FHIT: variants seen among roughly 807,000 people sequenced by gnomAD.
FHIT encodes bis(5'-adenosyl)-triphosphatase.
In FHIT, 19 loss-of-function variants were observed where a neutral mutation model predicts 17.9. The ratio of observed to expected loss-of-function variants is 1.06; its 90% CI spans 0.74 to 1.56. The LOEUF (loss-of-function observed/expected upper bound fraction) is 1.56. Among genes scored for constraint, FHIT ranks in the 40% most tolerant of loss-of-function variants. The probability of loss-of-function intolerance (pLI) is 0.00; values close to 1 mark genes in which losing one functional copy is unlikely to be tolerated. For synonymous variants in FHIT, 81 were observed against 69.7 expected (o/e 1.16, Z -0.81); for missense variants, 248 against 189.2 (o/e 1.31, Z -1.82).
intron 5 of FHIT, among the ~76,000 whole-genome samples, chr3:60,337,321 G>C (rs796604867): frequency 4.6e-5 from 7 of 152,106 alleles, no homozygotes; most frequent in African/African-American, 1.7e-4. Flanking sequence ...TTAAAAGCCT[G>C]CTTCTGGAAT....
chr3:60,151,736 T>C (rs1322096834), intron 5 of FHIT, among the ~76,000 whole-genome samples: 1 of 152,158 alleles, frequency 6.6e-6, no homozygotes, highest in East Asian at 1.9e-4. Context: ...TGCAATTGTT[T>C]TCCTCTTAAT....
intron 5 of FHIT, among the ~76,000 whole-genome samples, chr3:60,337,155 C>A (rs561539503): frequency 6.6e-6 from 1 of 152,234 alleles, no homozygotes; most frequent in Admixed American, 6.5e-5. Flanking sequence ...ACAATTCTTT[C>A]CTTAATGTGA....
intron 5 of FHIT, among the ~76,000 whole-genome samples, chr3:60,460,385 C>A (rs2032384904): frequency 6.6e-6 from 1 of 151,734 alleles, no homozygotes; most frequent in East Asian, 1.9e-4. Context: ...GGAAATAACA[C>A]CTTTTTTTAA....
chr3:59,983,922 C>G (rs1708769560), intron 7 of FHIT, among the ~76,000 whole-genome samples: 1 of 150,532 alleles, frequency 6.6e-6, no homozygotes, highest in Non-Finnish European at 1.5e-5. Flanking sequence ...CTGCATAGAC[C>G]AAAAACAAGA....
At chr3:60,799,371 T>C (rs1217474042) in intron 4 of FHIT, among the ~76,000 whole-genome samples, 1 of 152,098 alleles carries the variant, frequency 6.6e-6, no homozygotes, top group African/African-American at 2.4e-5. Flanking sequence ...ACAGGGTTTC[T>C]CCATGTTGGT....
At chr3:60,176,849 G>A (rs375961537) in intron 5 of FHIT, among the ~76,000 whole-genome samples, 14 of 152,260 alleles carry the variant, frequency 9.2e-5, no homozygotes, top group African/African-American at 2.9e-4. Context: ...CATAAAATCC[G>A]TTGCTTGGAA....
chr3:60,848,551 C>T (rs1277384938), intron 3 of FHIT, among the ~76,000 whole-genome samples: 1 of 152,104 alleles, frequency 6.6e-6, no homozygotes, highest in Non-Finnish European at 1.5e-5. Flanking sequence ...AATTGGAGGT[C>T]CAGGCTTTGG....
intron 5 of FHIT, among the ~76,000 whole-genome samples, chr3:60,416,009 C>T (rs1702236143): frequency 6.6e-6 from 1 of 150,660 alleles, no homozygotes; most frequent in Admixed American, 6.6e-5. Context: ...ACCTACCACA[C>T]AGTTGTTCAA....
At chr3:60,792,331 T>C (rs781976634) in intron 4 of FHIT, among the ~76,000 whole-genome samples, 2 of 150,554 alleles carry the variant, frequency 1.3e-5, no homozygotes, top group Non-Finnish European at 2.9e-5. Context: ...TAAATATCCA[T>C]GTATATAGTT....
At position 60,287,555 on chromosome 3, in the gene FHIT, CTGTT is replaced by C. The variant is rs1330563394; in HGVS notation, c.103+249301_103+249304del. Among the ~76,000 whole-genome samples the C allele has an allele frequency of 1.3e-4, 20 of 152,182 alleles. 1 individual carries two copies. The highest frequency in any genetic ancestry group is 1.5e-5 in the Non-Finnish European group (1 of 68,044). On this transcript the variant is annotated intron_variant, in intron 5 of 9. Transcript: ENST00000492590. ...AGTATTGCTTTTAATACTTAGAACA[CTGTT>C]TGAGACACATATTAAGTGCTTAATA...
intron 8 of FHIT, among the ~76,000 whole-genome samples, chr3:59,882,345 T>C (rs1239997164): frequency 1.3e-5 from 2 of 152,136 alleles, no homozygotes; most frequent in Non-Finnish European, 2.9e-5. Context: ...ACATCTTCAA[T>C]TAGCTGGATT....
intron 5 of FHIT, among the ~76,000 whole-genome samples, chr3:60,119,578 T>C (rs1329291590): frequency 6.6e-6 from 1 of 152,164 alleles, no homozygotes; most frequent in African/African-American, 2.4e-5. Context: ...AACAAGGTTT[T>C]CTATGAATTA....
chr3:60,820,692 G>A (rs1275481712), intron 4 of FHIT, among the ~76,000 whole-genome samples: 1 of 152,216 alleles, frequency 6.6e-6, no homozygotes, highest in East Asian at 1.9e-4. Context: ...ACATTGTAAA[G>A]TGGATACAGG....
intron 5 of FHIT, among the ~76,000 whole-genome samples, chr3:60,248,196 C>T (rs1207633773): frequency 6.6e-6 from 1 of 152,090 alleles, no homozygotes; most frequent in Non-Finnish European, 1.5e-5. Flanking sequence ...GTTCAAAATC[C>T]ACTCCCTAGG....
Position 61,041,243 on chromosome 3 carries a change from G to A in FHIT, c.-111+804C>T, listed in dbSNP as rs529323184. 7.2e-5 allele frequency among the ~76,000 whole-genome samples: 11 copies of A among 152,100 alleles called. No individual in the cohort carries two copies. In the South Asian group the frequency reaches 2.3e-3, roughly 32 times the overall value. ...AAAATACAAAAATTAGCTAGGTGTGGTGGCACGCCTCTAGTCCCAGCTACT... is the reference window on the plus strand; with the variant it reads ...AAAATACAAAAATTAGCTAGGTGTGATGGCACGCCTCTAGTCCCAGCTACT... On this transcript the variant is annotated intron_variant, in intron 3 of 9. Transcript: ENST00000492590.
chr3:60,489,579 C>G (rs2033979265), intron 5 of FHIT, among the ~76,000 whole-genome samples: 1 of 152,196 alleles, frequency 6.6e-6, no homozygotes, highest in South Asian at 2.1e-4. Context: ...TTATCACTCA[C>G]ACCTGCTTAC....
chr3:59,914,116 T>C (rs1705016624), intron 8 of FHIT, among the ~76,000 whole-genome samples: 1 of 152,216 alleles, frequency 6.6e-6, no homozygotes, highest in African/African-American at 2.4e-5. Flanking sequence ...GTGAAATTAA[T>C]TTTAGTGATA....
intron 5 of FHIT, among the ~76,000 whole-genome samples, chr3:60,479,922 C>T (rs1244416379): frequency 6.6e-6 from 1 of 152,164 alleles, no homozygotes; most frequent in African/African-American, 2.4e-5. Context: ...AGGTTGGGGG[C>T]TACTGACGTA....
intron 5 of FHIT, among the ~76,000 whole-genome samples, chr3:60,149,394 T>C (rs1700367114): frequency 6.6e-6 from 1 of 151,864 alleles, no homozygotes; most frequent in Non-Finnish European, 1.5e-5. Flanking sequence ...AACAAAAGGG[T>C]AATTCTTCTA....
Sources: gnomAD v4.1 joint callset for allele counts (sites outside exome capture counted in the v4.1 genomes callset) on GRCh38, gnomAD v4.1.1 for gene constraint, MANE v1.5 for transcripts, NCBI Gene and HGNC (gene_info 2026-07-23, HGNC 2026-07-21) for gene names.